Variants in CDYL2 observed in about 807,000 individuals in gnomAD.
CDYL2 encodes the protein chromodomain Y-like protein 2.
Under a neutral mutation model 49.4 loss-of-function variants are expected in CDYL2, and 23 were observed. The ratio of observed to expected loss-of-function variants is 0.47; its 90% CI spans 0.34 to 0.66. The LOEUF (loss-of-function observed/expected upper bound fraction) is 0.66. Among genes scored for constraint, CDYL2 ranks in the 30% least tolerant of loss-of-function variants. The probability of loss-of-function intolerance (pLI) is 0.01; values close to 1 mark genes in which losing one functional copy is unlikely to be tolerated. For missense variants in CDYL2, 678 were observed against 656.4 expected (o/e 1.03, Z -0.36); for synonymous variants, 360 against 268.8 (o/e 1.34, Z -3.32).
rs144674540 is a variant in CDYL2, at chr16:80,599,482, G to C, written c.*4906C>G. ...CAGTCCTGGATAGACATATTCAGCT[G>C]ATATGTTATGTTCTACATTTAGTTT... On this transcript the variant is annotated 3_prime_UTR_variant, in exon 7 of 7. Coordinates refer to ENST00000570137, the MANE Select transcript of CDYL2 (RefSeq NM_152342.4). 10 of 152,186 alleles carry C rather than the reference G, an allele frequency of 6.6e-5. No homozygotes were observed. The highest frequency in any genetic ancestry group is 1.3e-4 in the Non-Finnish European group (9 of 68,036). 9.4% of individuals were successfully genotyped at this position (152,186 alleles called of 1,614,324 possible).
intron 1 of CDYL2, among the ~76,000 whole-genome samples, chr16:80,754,866 G>A (rs903376562): frequency 6.6e-6 from 1 of 152,152 alleles, no homozygotes; most frequent in Non-Finnish European, 1.5e-5. Flanking sequence ...CCTGTATCAG[G>A]GAAGGGAGCA....
intron 1 of CDYL2, among the ~76,000 whole-genome samples, chr16:80,727,245 G>A (rs545929630): frequency 1.6e-4 from 24 of 152,330 alleles, no homozygotes; most frequent in African/African-American, 2.6e-4. Context: ...TGCACGCACC[G>A]TGCCCGAGCC....
At chr16:80,704,219 C>A (rs1904329745) in intron 1 of CDYL2, among the ~76,000 whole-genome samples, 1 of 152,192 alleles carries the variant, frequency 6.6e-6, no homozygotes, top group Non-Finnish European at 1.5e-5. Context: ...CTAATCAGCC[C>A]AGATCAACTC....
intron 1 of CDYL2, among the ~76,000 whole-genome samples, chr16:80,697,784 G>C (rs1009047745): frequency 6.6e-6 from 1 of 151,586 alleles, no homozygotes; most frequent in Non-Finnish European, 1.5e-5. Context: ...AGCTGAAAAA[G>C]AAATCCCATT....
intron 1 of CDYL2, among the ~76,000 whole-genome samples, chr16:80,748,006 G>A (rs895121912): frequency 1.2e-4 from 18 of 151,832 alleles, no homozygotes; most frequent in African/African-American, 4.3e-4. Flanking sequence ...TTCAAAAGCA[G>A]GGCACAGTGA....
At chr16:80,744,147 C>T (rs192277089) in intron 1 of CDYL2, among the ~76,000 whole-genome samples, 4 of 152,288 alleles carry the variant, frequency 2.6e-5, no homozygotes, top group Non-Finnish European at 5.9e-5. Flanking sequence ...CAAAGCTACA[C>T]AGAAGCAGCA....
In CDYL2 at chr16:80,600,587, G is replaced by A. The variant is rs920881175; in HGVS notation, c.*3801C>T. The A allele has an allele frequency of 2.6e-5, 4 of 152,142 alleles. No individual in the cohort carries two copies. The highest frequency in any genetic ancestry group is 4.4e-5 in the Non-Finnish European group (3 of 68,008). 9.4% of individuals were successfully genotyped at this position (152,142 alleles called of 1,614,324 possible). On this transcript the variant is annotated 3_prime_UTR_variant, in exon 7 of 7. Coordinates refer to ENST00000570137, the MANE Select transcript of CDYL2 (RefSeq NM_152342.4). ...TCTCATTTAGAGTCTTAAATACTGT[G>A]TATATTAGTGAGAGTGTCTAAACTA...
At chr16:80,725,753 T>C (rs1181761000) in intron 1 of CDYL2, among the ~76,000 whole-genome samples, 1 of 152,212 alleles carries the variant, frequency 6.6e-6, no homozygotes, top group Non-Finnish European at 1.5e-5. Context: ...CCAACCACAG[T>C]GTGAGTAACG....
intron 2 of CDYL2, among the ~76,000 whole-genome samples, chr16:80,670,774 A>G (rs147959085): frequency 2.8e-4 from 43 of 152,276 alleles, no homozygotes; most frequent in African/African-American, 7.9e-4. Flanking sequence ...TGCAACATAA[A>G]AAGTGTGAAT....
intron 1 of CDYL2, among the ~76,000 whole-genome samples, chr16:80,774,493 AC>A (rs1257541882): frequency 6.6e-6 from 1 of 152,160 alleles, no homozygotes; most frequent in Non-Finnish European, 1.5e-5. Context: ...CTGCACTGTG[AC>A]CACTGTTAAT....
At chr16:80,717,354 T>C (rs1012431770) in intron 1 of CDYL2, among the ~76,000 whole-genome samples, 6 of 152,240 alleles carry the variant, frequency 3.9e-5, no homozygotes, top group African/African-American at 9.6e-5. Flanking sequence ...ATCATTATTA[T>C]TCTTACAAAA....
chr16:80,749,645 G>T (rs772953839), intron 1 of CDYL2, among the ~76,000 whole-genome samples: 1 of 151,942 alleles, frequency 6.6e-6, no homozygotes, highest in Non-Finnish European at 1.5e-5. Context: ...ACAAAATAAG[G>T]ACAACAACTC....
rs568951701 is a variant in CDYL2 at position 80,606,410 on chromosome 16, T to C, written c.1362+1682A>G. On this transcript the variant is annotated intron_variant, in intron 6 of 6. Coordinates refer to ENST00000570137, the MANE Select transcript of CDYL2 (RefSeq NM_152342.4). ...TGGTTTCACCTGAGCCTCTCTTCCCTGCCACAGAACAGGCCAACCCCCTCC... is the reference window on the plus strand; with the variant it reads ...TGGTTTCACCTGAGCCTCTCTTCCCCGCCACAGAACAGGCCAACCCCCTCC... Among the ~76,000 whole-genome samples the C allele has an allele frequency of 5.3e-5, 8 of 152,286 alleles. No individual in the cohort carries two copies. In the East Asian group the frequency reaches 1.5e-3, roughly 29 times the overall value.
intron 1 of CDYL2, among the ~76,000 whole-genome samples, chr16:80,696,144 A>G (rs564375651): frequency 6.6e-6 from 1 of 152,360 alleles, no homozygotes; most frequent in South Asian, 2.1e-4. Flanking sequence ...GTTCCTTAAC[A>G]ACCAATGAGT....
intron 1 of CDYL2, among the ~76,000 whole-genome samples, chr16:80,744,665 C>T (rs947158154): frequency 2.0e-5 from 3 of 152,258 alleles, no homozygotes; most frequent in South Asian, 2.1e-4. Flanking sequence ...AATATTCCAG[C>T]TCTGTAAGAC....
At chr16:80,786,776 C>G (rs545788702) in intron 1 of CDYL2, among the ~76,000 whole-genome samples, 2 of 152,076 alleles carry the variant, frequency 1.3e-5, no homozygotes, top group Non-Finnish European at 2.9e-5. Context: ...TGTAGGGACA[C>G]GGGTGAAGCC....
At chr16:80,754,982 C>G (rs1300961772) in intron 1 of CDYL2, among the ~76,000 whole-genome samples, 3 of 152,030 alleles carry the variant, frequency 2.0e-5, no homozygotes, top group African/African-American at 7.2e-5. Context: ...GGGCAGTCAC[C>G]CACCAACAAA....
chr16:80,686,498 A>C (rs919399308), intron 1 of CDYL2, among the ~76,000 whole-genome samples: 2 of 152,230 alleles, frequency 1.3e-5, no homozygotes, highest in African/African-American at 4.8e-5. Context: ...GTCAGGAATA[A>C]GCCTCTGAAA....
intron 1 of CDYL2, among the ~76,000 whole-genome samples, chr16:80,722,280 T>C (rs1449337015): frequency 1.3e-5 from 2 of 152,200 alleles, no homozygotes; most frequent in African/African-American, 4.8e-5. Flanking sequence ...ATGTTATTGA[T>C]CTGGAGCAGG....
Sources: gnomAD v4.1 joint callset for allele counts (sites outside exome capture counted in the v4.1 genomes callset) on GRCh38, gnomAD v4.1.1 for gene constraint, MANE v1.5 for transcripts, NCBI Gene and HGNC (gene_info 2026-07-23, HGNC 2026-07-21) for gene names.